The following VWC2 variants were observed in gnomAD, a reference collection of about 807,000 sequenced individuals.
The protein encoded by VWC2 is von Willebrand factor C domain containing 2.
Under a neutral mutation model 29.8 loss-of-function variants are expected in VWC2, and 14 were observed. The observed-to-expected ratio is 0.47, with a 90% CI of 0.31 to 0.74. The LOEUF is 0.74. Ranked by LOEUF, VWC2 falls within the 30% of genes least tolerant of loss-of-function variation. The probability of loss-of-function intolerance (pLI) is 0.05; values close to 1 mark genes in which losing one functional copy is unlikely to be tolerated. For synonymous variants in VWC2, 213 were observed against 199.0 expected (o/e 1.07, Z -0.59); for missense variants, 457 against 459.8 (o/e 0.99, Z 0.05).
intron 3 of VWC2, among the ~76,000 whole-genome samples, chr7:49,888,145 G>A (rs1333362662): frequency 6.6e-6 from 1 of 152,202 alleles, no homozygotes; most frequent in Non-Finnish European, 1.5e-5. Flanking sequence ...CTTGGTGGAA[G>A]TAGTCAATGG....
chr7:49,800,755 T>C lies in VWC2; in HGVS notation c.697-1956T>C, dbSNP rs1247498733. ...GTATATATCCCCCTTGAGACAAAAA[T>C]GCTACAGACTGAATGAGGGAATTGG... On this transcript the variant is annotated intron_variant, in intron 2 of 3. Transcript: ENST00000340652. Among the ~76,000 whole-genome samples, 3 of 146,640 alleles carry C rather than the reference T, an allele frequency of 2.0e-5. No individual in the cohort carries two copies. In the East Asian group the frequency reaches 6.1e-4, roughly 30 times the overall value.
chr7:49,874,899 T>G (rs73111327), intron 3 of VWC2, among the ~76,000 whole-genome samples: 1 of 152,260 alleles, frequency 6.6e-6, no homozygotes, highest in Non-Finnish European at 1.5e-5. Context: ...TTCCTATTTG[T>G]ATGAGAGAGT....
At chr7:49,861,468 C>A (rs1158412384) in intron 3 of VWC2, among the ~76,000 whole-genome samples, 2 of 152,018 alleles carry the variant, frequency 1.3e-5, no homozygotes, top group East Asian at 1.9e-4. Flanking sequence ...ATAAAATATC[C>A]CATTATGCAG....
chr7:49,879,343 T>G (rs1419774434), intron 3 of VWC2, among the ~76,000 whole-genome samples: 5 of 152,158 alleles, frequency 3.3e-5, no homozygotes, highest in Admixed American at 3.3e-4. Context: ...GTTTATTAAT[T>G]TTTATTATTT....
chr7:49,843,196 A>G (rs1228040559), intron 3 of VWC2, among the ~76,000 whole-genome samples: 1 of 152,202 alleles, frequency 6.6e-6, no homozygotes, highest in Admixed American at 6.5e-5. Flanking sequence ...TACTGTAACC[A>G]ATAAGAAGTG....
chr7:49,783,704 T>C (rs1020908345), intron 2 of VWC2, among the ~76,000 whole-genome samples: 1 of 152,168 alleles, frequency 6.6e-6, no homozygotes, highest in African/African-American at 2.4e-5. Context: ...CCGAGGGCCC[T>C]GTGAGTTCTC....
chr7:49,877,479 AAAATATATATATATATATATATATAT>A lies in VWC2; in HGVS notation c.827-34553_827-34528del, dbSNP rs1562747690. Among the ~76,000 whole-genome samples, 2 of 12,746 alleles carry A rather than the reference AAAATATATATATATATATATATATAT, an allele frequency of 1.6e-4. 1 individual carries two copies. The highest frequency in any genetic ancestry group is 2.8e-4 in the Non-Finnish European group (2 of 7,142). The allele number at this position is 12,746 out of a possible 152,430, so 8.4% of individuals were successfully genotyped here. A position where few individuals can be genotyped will look rare whatever the true frequency, so the allele number is the denominator to read the frequency against. On this transcript the variant is annotated intron_variant, in intron 3 of 3. Transcript: ENST00000340652. The stretch of plus-strand genomic sequence containing the variant: ...CTCTGTCTCAAAAAAAAAAAAAAAA[AAAATATATATATATATATATATATAT>A]ATATATATATATAGTTATTTGGTCA...
intron 2 of VWC2, among the ~76,000 whole-genome samples, chr7:49,798,892 C>A (rs73108835): frequency 6.6e-6 from 1 of 152,262 alleles, no homozygotes; most frequent in Non-Finnish European, 1.5e-5. Flanking sequence ...GGGAAAGTGC[C>A]CATTTTCATC....
intron 3 of VWC2, among the ~76,000 whole-genome samples, chr7:49,892,325 C>T (rs1234035706): frequency 1.3e-5 from 2 of 151,938 alleles, no homozygotes; most frequent in Admixed American, 1.3e-4. Flanking sequence ...GGATTACAAG[C>T]GTGAGCCACC....
At chr7:49,836,477 A>AG (rs1789661791) in intron 3 of VWC2, among the ~76,000 whole-genome samples, 1 of 150,798 alleles carries the variant, frequency 6.6e-6, no homozygotes, top group Non-Finnish European at 1.5e-5. Flanking sequence ...AAAAAAAAAA[A>AG]AAAACTATGA....
At chr7:49,804,884 T>C (rs1219138471) in intron 3 of VWC2, among the ~76,000 whole-genome samples, 1 of 152,236 alleles carries the variant, frequency 6.6e-6, no homozygotes, top group Non-Finnish European at 1.5e-5. Context: ...ACAAATTCTA[T>C]TGAGACTACC....
intron 3 of VWC2, among the ~76,000 whole-genome samples, chr7:49,910,447 A>G (rs1793347481): frequency 6.6e-6 from 1 of 152,198 alleles, no homozygotes; most frequent in Non-Finnish European, 1.5e-5. Context: ...GGAGAATGAG[A>G]ATTTTGCAAA....
intron 3 of VWC2, among the ~76,000 whole-genome samples, chr7:49,908,225 G>C (rs1011854923): frequency 1.3e-5 from 2 of 152,156 alleles, no homozygotes; most frequent in Non-Finnish European, 2.9e-5. Context: ...CTGGTCAGCT[G>C]TGCCTGAATT....
intron 3 of VWC2, among the ~76,000 whole-genome samples, chr7:49,859,236 T>G (rs1032677325): frequency 2.0e-5 from 3 of 152,254 alleles, no homozygotes; most frequent in Non-Finnish European, 4.4e-5. Flanking sequence ...TATCTTGAGT[T>G]ACCATTTGGG....
intron 3 of VWC2, among the ~76,000 whole-genome samples, chr7:49,817,186 T>G (rs1215201614): frequency 6.6e-6 from 1 of 152,226 alleles, no homozygotes; most frequent in Non-Finnish European, 1.5e-5. Flanking sequence ...CCATTCATAC[T>G]CTTTCACCAT....
intron 3 of VWC2, among the ~76,000 whole-genome samples, chr7:49,904,057 A>G (rs1792943505): frequency 6.6e-6 from 1 of 152,108 alleles, no homozygotes; most frequent in African/African-American, 2.4e-5. Flanking sequence ...TTGCCATCTT[A>G]TCTGCTCCTT....
At chr7:49,813,838 T>C (rs1386392984) in intron 3 of VWC2, among the ~76,000 whole-genome samples, 1 of 152,214 alleles carries the variant, frequency 6.6e-6, no homozygotes, top group Non-Finnish European at 1.5e-5. Context: ...AAAATTAGAC[T>C]GTAGGCTTGC....
intron 3 of VWC2, among the ~76,000 whole-genome samples, chr7:49,806,031 A>C (rs561259307): frequency 6.6e-6 from 1 of 152,356 alleles, no homozygotes; most frequent in African/African-American, 2.4e-5. Flanking sequence ...ACTTGTGCAG[A>C]TCAATCTCCC....
intron 3 of VWC2, among the ~76,000 whole-genome samples, chr7:49,867,069 G>A (rs1240885878): frequency 6.6e-6 from 1 of 152,178 alleles, no homozygotes; most frequent in Non-Finnish European, 1.5e-5. Flanking sequence ...GAGACAGATG[G>A]CTCAAGAAAT....
Sources: allele counts gnomAD v4.1 joint callset (sites outside exome capture counted in the v4.1 genomes callset), GRCh38; gene constraint gnomAD v4.1.1; transcripts MANE v1.5; gene names NCBI Gene and HGNC (gene_info 2026-07-23, HGNC 2026-07-21).